EIF2S3: variants seen among roughly 807,000 people sequenced by gnomAD.
EIF2S3 encodes the protein eukaryotic translation initiation factor 2 subunit gamma, also known as eukaryotic translation initiation factor 2 subunit 3.
EIF2S3 carries 2 observed loss-of-function variants against 31.7 expected under a neutral mutation model. The observed-to-expected ratio is 0.06, with a 90% CI of 0.03 to 0.20. EIF2S3 has a LOEUF of 0.20. Ranked by LOEUF, EIF2S3 falls within the 10% of genes least tolerant of loss-of-function variation. EIF2S3 has a pLI of 1.00. For missense variants in EIF2S3, 96 were observed against 359.3 expected (o/e 0.27, Z 5.92); for synonymous variants, 120 against 126.7 (o/e 0.95, Z 0.36).
At chrX:24,058,093 C>T in intron 4 of EIF2S3, among the ~76,000 whole-genome samples, 1 of 112,407 alleles carries the variant, frequency 8.9e-6, no homozygotes, top group Non-Finnish European at 1.9e-5. Context: ...TTTCTAATTA[C>T]TTCTCTAAAA....
chrX:24,056,378 G>A (rs1046212047), intron 2 of EIF2S3, among the ~76,000 whole-genome samples: 1 of 111,636 alleles, frequency 9.0e-6, no homozygotes, highest in Non-Finnish European at 1.9e-5. Flanking sequence ...CCTAACCTCC[G>A]AACAACCTAT....
chrX:24,057,094 G>C (rs749350739), intron 2 of EIF2S3, among the ~76,000 whole-genome samples: 2 of 112,543 alleles, frequency 1.8e-5, no homozygotes, highest in African/African-American at 6.4e-5. Context: ...GCAGTGGCAC[G>C]ATCTCGGCTC....
At position 24,078,725 on chromosome X, in the gene EIF2S3, G is replaced by T. The variant is rs1170915806; in HGVS notation, c.*1940G>T. Among the ~76,000 whole-genome samples the T allele has an allele frequency of 8.9e-6, 1 of 111,997 alleles. No homozygotes were observed. Among genetic ancestry groups the T allele is most frequent in the Non-Finnish European group, 1.9e-5 (1 of 53,249 alleles). On this transcript the variant is annotated 3_prime_UTR_variant, in exon 12 of 12. Coordinates refer to ENST00000253039, the MANE Select transcript of EIF2S3 (RefSeq NM_001415.4). The stretch of plus-strand genomic sequence containing the variant: ...TTGCCTAAATTGATGTTTTGAGGAA[G>T]CATATTAATGTTATAAACTTCGCTG...
chrX:24,058,536 C>CTT (rs1183377998), intron 4 of EIF2S3, among the ~76,000 whole-genome samples: 25 of 83,033 alleles, frequency 3.0e-4, no homozygotes, highest in African/African-American at 4.6e-4. Flanking sequence ...TTTTTTCTTT[C>CTT]TTTTTTTTTT....
intron 11 of EIF2S3, among the ~76,000 whole-genome samples, chrX:24,073,821 C>G (rs1269588707): frequency 8.9e-6 from 1 of 112,365 alleles, no homozygotes; most frequent in African/African-American, 3.2e-5. Context: ...TCGTCATTGG[C>G]TTTGGAAATC....
chrX:24,067,168 C>T (rs1023170235), intron 8 of EIF2S3, among the ~76,000 whole-genome samples: 1 of 111,016 alleles, frequency 9.0e-6, no homozygotes, highest in Non-Finnish European at 1.9e-5. Context: ...CACAGCCTCC[C>T]GACTTGCTGG....
intron 6 of EIF2S3, 113 bp downstream of exon 6, chrX:24,062,687 A>G (rs1375510499): frequency 6.9e-6 from 6 of 872,025 alleles, no homozygotes; most frequent in Non-Finnish European, 9.6e-6. Flanking sequence ...GTAAACTTAC[A>G]AGTCTTAAGC....
At chrX:24,071,748 T>G in intron 10 of EIF2S3, 21 bp downstream of exon 10, 1 of 1,203,516 alleles carries the variant, frequency 8.3e-7, no homozygotes, top group Non-Finnish European at 1.1e-6. Context: ...TTTTAAAAAT[T>G]CCTGTTTCTA....
chrX:24,073,489 A>G (rs1171354832), intron 11 of EIF2S3: 28 of 286,167 alleles, frequency 9.8e-5, no homozygotes, highest in African/African-American at 1.4e-4. Context: ...TCAGGAGATC[A>G]AGACCATCCT....
In EIF2S3 at chrX:24,067,965, T is replaced by A; in HGVS notation, c.869T>A (p.Val290Glu). The change falls in exon 9 of 12, where the codon GTG (valine) becomes GAG (glutamate). Residue 290 changes from valine (V) to glutamate (E), a missense_variant and splice_region_variant. By Grantham distance (121) the Val-to-Glu change is moderately radical (BLOSUM62 -2). Coordinates refer to ENST00000253039, the MANE Select transcript of EIF2S3 (RefSeq NM_001415.4). ...GGSILKGVLKVGQEIEVRPGI... is the reference protein window; with the variant it reads ...GGSILKGVLKEGQEIEVRPGI... ...TAATTACTAATTATATGTTTACAGG[T>A]GGGCCAGGAGATAGAAGTAAGACCT... The A allele has an allele frequency of 8.4e-7, 1 of 1,185,691 alleles. No homozygotes were observed. Among genetic ancestry groups the A allele is most frequent in the Non-Finnish European group, 1.1e-6 (1 of 879,009 alleles).
Position 24,076,890 on chromosome X carries a change from G to C in EIF2S3, c.*105G>C. 1 of 440,670 alleles carries C rather than the reference G, an allele frequency of 2.3e-6. No homozygotes were observed. The highest frequency in any genetic ancestry group is 5.6e-5 in the East Asian group (1 of 17,749). The allele number at this position is 440,670 out of a possible 1,213,427, so 36.3% of individuals were successfully genotyped here. A position where few individuals can be genotyped will look rare whatever the true frequency, so the allele number is the denominator to read the frequency against. ...GCAATATTGGGGAATTGATTTCACAGTTCGTTACCTTAGTAGGTAACGGTA... is the reference window on the plus strand; with the variant it reads ...GCAATATTGGGGAATTGATTTCACACTTCGTTACCTTAGTAGGTAACGGTA... On this transcript the variant is annotated 3_prime_UTR_variant, in exon 12 of 12. Transcript: ENST00000253039.
intron 10 of EIF2S3, among the ~76,000 whole-genome samples, chrX:24,072,486 T>C (rs1342206185): frequency 1.8e-5 from 2 of 110,449 alleles, no homozygotes; most frequent in African/African-American, 6.6e-5. Flanking sequence ...TTTTGCCGCA[T>C]TACCCAGGCT....
intron 2 of EIF2S3, 56 bp downstream of exon 2, chrX:24,055,734 C>G: frequency 9.2e-7 from 1 of 1,084,138 alleles, no homozygotes; most frequent in Non-Finnish European, 1.3e-6. Flanking sequence ...TTTAACCTCA[C>G]TTTTTGTGTG....
Position 24,077,648 on chromosome X carries a change from A to G in EIF2S3, c.*863A>G, listed in dbSNP as rs1411892847. 1 of 111,503 alleles carries G rather than the reference A, an allele frequency of 9.0e-6. No individual in the cohort carries two copies. Among genetic ancestry groups the G allele is most frequent in the Non-Finnish European group, 1.9e-5 (1 of 53,157 alleles). The allele number at this position is 111,503 out of a possible 1,213,427, so 9.2% of individuals were successfully genotyped here. A position where few individuals can be genotyped will look rare whatever the true frequency, so the allele number is the denominator to read the frequency against. ...TTCGAATGAAATTGTCCTTTAGAGC[A>G]TGATTACTTGTTCCCATGGACAAAT... On this transcript the variant is annotated 3_prime_UTR_variant, in exon 12 of 12. Coordinates refer to ENST00000253039, the MANE Select transcript of EIF2S3 (RefSeq NM_001415.4).
intron 2 of EIF2S3, among the ~76,000 whole-genome samples, chrX:24,056,759 C>T (rs1037258142): frequency 1.8e-5 from 2 of 111,218 alleles, no homozygotes; most frequent in African/African-American, 6.5e-5. Flanking sequence ...CTAAGGAGGC[C>T]GAGGTCGGAG....
At chrX:24,057,783 A>T (rs1345567163) in intron 4 of EIF2S3, 29 bp downstream of exon 4, 3 of 1,176,380 alleles carry the variant, frequency 2.6e-6, no homozygotes, top group South Asian at 3.9e-5. Context: ...CAAACACTAC[A>T]CTTTATATTT....
At chrX:24,074,859 C>CTTTTTTTTT (rs1316212428) in intron 11 of EIF2S3, among the ~76,000 whole-genome samples, 3 of 26,184 alleles carry the variant, frequency 1.1e-4, no homozygotes, top group Non-Finnish European at 1.6e-4. Flanking sequence ...TTTTTTTCTT[C>CTTTTTTTTT]TTCTTTTTTT....
At chrX:24,058,547 T>C (rs113350967) in intron 4 of EIF2S3, among the ~76,000 whole-genome samples, 2 of 57,509 alleles carry the variant, frequency 3.5e-5, no homozygotes, top group Non-Finnish European at 6.9e-5. Flanking sequence ...TTTTTTTTTT[T>C]TTTTTTTTTG....
Position 24,060,195 on chromosome X carries a change from C to T in EIF2S3, c.478+13C>T. On this transcript the variant is annotated intron_variant, in intron 5 of 11. Coordinates refer to ENST00000253039, the MANE Select transcript of EIF2S3 (RefSeq NM_001415.4). ...CTTCTGTTGATAGGTAAATACCTCA[C>T]AATTGGTTTGGACAAATCAATGTGG... The T allele has an allele frequency of 8.5e-7, 1 of 1,182,872 alleles. No individual in the cohort carries two copies. The highest frequency in any genetic ancestry group is 1.2e-6 in the Non-Finnish European group (1 of 869,273).
Sources: gnomAD v4.1 joint callset for allele counts (sites outside exome capture counted in the v4.1 genomes callset) on GRCh38, gnomAD v4.1.1 for gene constraint, MANE v1.5 for transcripts, NCBI Gene and HGNC (gene_info 2026-07-23, HGNC 2026-07-21) for gene names.